The following TNRC6C variants were observed in gnomAD, a reference collection of about 807,000 sequenced individuals.
The protein encoded by TNRC6C is trinucleotide repeat-containing gene 6C protein.
Under a neutral mutation model 153.7 loss-of-function variants are expected in TNRC6C, and 20 were observed. That is an observed-to-expected ratio of 0.13 (90% CI 0.09 to 0.19). The LOEUF (loss-of-function observed/expected upper bound fraction) is 0.19. Among genes scored for constraint, TNRC6C ranks in the 10% least tolerant of loss-of-function variants. The pLI, the probability that TNRC6C is intolerant of heterozygous loss-of-function variation, is 1.00. For synonymous variants in TNRC6C, 811 were observed against 841.4 expected (o/e 0.96, Z 0.63); for missense variants, 1,987 against 2,172.0 (o/e 0.91, Z 1.69).
chr17:78,024,966 G>C (rs946991430), intron 1 of TNRC6C, among the ~76,000 whole-genome samples: 1 of 150,868 alleles, frequency 6.6e-6, no homozygotes, highest in East Asian at 2.0e-4. Context: ...GCTAATTTTT[G>C]TATTTTTAAT....
At chr17:78,056,882 T>C (rs2072669385) in intron 3 of TNRC6C, among the ~76,000 whole-genome samples, 1 of 151,336 alleles carries the variant, frequency 6.6e-6, no homozygotes, top group Admixed American at 6.6e-5. Context: ...AAAATATTTA[T>C]AGATTTTTTT....
intron 1 of TNRC6C, among the ~76,000 whole-genome samples, chr17:78,013,291 C>T (rs1176053058): frequency 2.0e-5 from 3 of 152,166 alleles, no homozygotes; most frequent in African/African-American, 7.2e-5. Flanking sequence ...AGAAAGATCA[C>T]TGAACCTGCA....
At chr17:78,029,480 A>G (rs1485261838) in intron 1 of TNRC6C, among the ~76,000 whole-genome samples, 1 of 152,214 alleles carries the variant, frequency 6.6e-6, no homozygotes, top group Non-Finnish European at 1.5e-5. Flanking sequence ...AGAATTTTTA[A>G]AAGGTACACC....
intron 17 of TNRC6C, among the ~76,000 whole-genome samples, chr17:78,100,320 T>G (rs1213383202): frequency 6.6e-6 from 1 of 152,232 alleles, no homozygotes; most frequent in Non-Finnish European, 1.5e-5. Flanking sequence ...ATGAGAGCCC[T>G]GCCCCACAGC....
At chr17:78,099,319 C>T (rs1022514985) in intron 17 of TNRC6C, among the ~76,000 whole-genome samples, 14 of 152,152 alleles carry the variant, frequency 9.2e-5, no homozygotes, top group Non-Finnish European at 2.1e-4. Context: ...TTTTTAAAAT[C>T]AGCTACAGAT....
intron 17 of TNRC6C, 110 bp downstream of exon 20, chr17:78,098,647 C>G (rs747251819): frequency 3.8e-6 from 5 of 1,301,354 alleles, no homozygotes; most frequent in African/African-American, 3.0e-5. Flanking sequence ...AACTCTGGAG[C>G]CTGGGAGGGC....
intron 1 of TNRC6C, among the ~76,000 whole-genome samples, chr17:77,966,092 G>A (rs561696201): frequency 3.9e-5 from 6 of 152,296 alleles, no homozygotes; most frequent in African/African-American, 7.2e-5. Context: ...ACAAGGAGAC[G>A]AATGGGCAAG....
intron 13 of TNRC6C, among the ~76,000 whole-genome samples, chr17:78,087,937 C>T (rs16970792): frequency 0.22 from 33,520 of 152,002 alleles, 4,284 homozygotes; most frequent in East Asian, 0.37. Context: ...ACTAATTTGC[C>T]GTAAGAATTC....
At chr17:77,964,306 T>G (rs1259680590) in intron 1 of TNRC6C, among the ~76,000 whole-genome samples, 1 of 152,242 alleles carries the variant, frequency 6.6e-6, no homozygotes, top group Non-Finnish European at 1.5e-5. Context: ...TCTGAAGGAT[T>G]GAACTACAAA....
At chr17:78,002,845 G>T (rs2071434039), upstream of TNRC6C, among the ~76,000 whole-genome samples, 1 of 152,186 alleles carries the variant, frequency 6.6e-6, no homozygotes, top group African/African-American at 2.4e-5. Context: ...CATGTTAGTT[G>T]TATAGTTCTT....
At chr17:78,101,729 T>C (rs953513652) in intron 17 of TNRC6C, among the ~76,000 whole-genome samples, 1 of 152,190 alleles carries the variant, frequency 6.6e-6, no homozygotes, top group Non-Finnish European at 1.5e-5. Flanking sequence ...TGGCTAGTTA[T>C]CTGCAACAGG....
chr17:78,038,743 A>G (rs1199542050), intron 2 of TNRC6C, among the ~76,000 whole-genome samples: 2 of 151,938 alleles, frequency 1.3e-5, no homozygotes, highest in Non-Finnish European at 2.9e-5. Flanking sequence ...AACAGCATTG[A>G]TAGATCACTT....
upstream of TNRC6C, among the ~76,000 whole-genome samples, chr17:78,002,118 T>A (rs1446893075): frequency 1.3e-5 from 2 of 152,186 alleles, no homozygotes; most frequent in African/African-American, 4.8e-5. Context: ...AAAACACTTT[T>A]CAAATCCAAG....
upstream of TNRC6C, chr17:78,004,068 A>G (rs1372260917): frequency 1.1e-5 from 13 of 1,226,426 alleles, no homozygotes; most frequent in Admixed American, 5.1e-4. Flanking sequence ...CCTGTATACC[A>G]TATGCGAAAT....
intron 1 of TNRC6C, among the ~76,000 whole-genome samples, chr17:78,027,231 T>C (rs2071959145): frequency 6.6e-6 from 1 of 152,058 alleles, no homozygotes; most frequent in South Asian, 2.1e-4. Context: ...GGCTAGTCAG[T>C]TTCCATGAAG....
chr17:78,093,905 C>A, intron 16 of TNRC6C, 142 bp downstream of exon 18: 2 of 885,462 alleles, frequency 2.3e-6, no homozygotes, highest in Non-Finnish European at 3.2e-6. Flanking sequence ...CCTGAAGCAG[C>A]ATGAAAAGAC....
Position 77,984,830 on chromosome 17 carries a change from A to G in TNRC6C, c.-37-19340A>G, listed in dbSNP as rs188082936. On this transcript the variant is annotated intron_variant, in intron 1 of 22. Transcript: ENST00000636222. ...TCTGAGTTCTTAGCCTCTTATACGCACACACACACACACACACTCTTTTAG... is the reference window on the plus strand; with the variant it reads ...TCTGAGTTCTTAGCCTCTTATACGCGCACACACACACACACACTCTTTTAG... 1.8e-3 allele frequency among the ~76,000 whole-genome samples: 274 copies of G among 150,212 alleles called. 1 individual carries two copies. The highest frequency in any genetic ancestry group is 6.3e-3 in the African/African-American group (255 of 40,476).
chr17:78,039,606 G>A (rs938674984), intron 2 of TNRC6C, among the ~76,000 whole-genome samples: 5 of 152,202 alleles, frequency 3.3e-5, no homozygotes, highest in African/African-American at 1.2e-4. Context: ...GCTTTCCAGC[G>A]TCCAGCTGAC....
intron 1 of TNRC6C, among the ~76,000 whole-genome samples, chr17:78,024,937 G>A (rs1598703133): frequency 6.6e-6 from 1 of 151,716 alleles, no homozygotes; most frequent in South Asian, 2.1e-4. Flanking sequence ...GGGATTACAG[G>A]TGTGCGCCAT....
Sources: allele counts gnomAD v4.1 joint callset (sites outside exome capture counted in the v4.1 genomes callset), GRCh38; gene constraint gnomAD v4.1.1; transcripts MANE v1.5; gene names NCBI Gene and HGNC (gene_info 2026-07-23, HGNC 2026-07-21).